The following APLP2 variants were observed in gnomAD, a reference collection of about 807,000 sequenced individuals.
The protein encoded by APLP2 is amyloid beta precursor like protein 2.
A neutral mutation model predicts 89.9 loss-of-function variants in APLP2; 53 were observed. The observed-to-expected ratio is 0.59, with a 90% CI of 0.47 to 0.74. The LOEUF is 0.74. Among genes scored for constraint, APLP2 ranks in the 30% least tolerant of loss-of-function variants. APLP2 has a pLI of 0.00. For synonymous variants in APLP2, 372 were observed against 348.6 expected, an observed-to-expected ratio of 1.07 and a Z score of -0.75; for missense variants, 973 against 975.9, an observed-to-expected ratio of 1.00 and a Z score of 0.04.
chr11:130,072,952 T>G (rs1291452248), intron 1 of APLP2, among the ~76,000 whole-genome samples: 3 of 152,336 alleles, frequency 2.0e-5, no homozygotes, highest in Middle Eastern at 3.4e-3. Context: ...GTGACTAGTG[T>G]GAATGAGGAG....
In APLP2 at chr11:130,126,691, T is replaced by C. The variant is rs1368946246; in HGVS notation, c.1091-9T>C. 5 of 1,613,334 alleles carry C rather than the reference T, an allele frequency of 3.1e-6. No individual in the cohort carries two copies. Among genetic ancestry groups the C allele is most frequent in the Admixed American group, 3.3e-5 (2 of 60,006 alleles). On this transcript the variant is annotated splice_polypyrimidine_tract_variant and intron_variant, in intron 7 of 16. Transcript: ENST00000338167. ...CCCAAAGAGAACTCCCTCTGTAATTTTGTTTCAGTTCCTCCAACTCCTCTG... is the reference window on the plus strand; with the variant it reads ...CCCAAAGAGAACTCCCTCTGTAATTCTGTTTCAGTTCCTCCAACTCCTCTG...
At chr11:130,103,691 C>T (rs1339148957) in intron 1 of APLP2, among the ~76,000 whole-genome samples, 1 of 152,158 alleles carries the variant, frequency 6.6e-6, no homozygotes, top group East Asian at 1.9e-4. Context: ...TGAAATTGAC[C>T]ATTCCACGCT....
At chr11:130,138,714 T>C (rs1407393975) in intron 13 of APLP2, 2 of 150,224 alleles carry the variant, frequency 1.3e-5, no homozygotes, top group Non-Finnish European at 2.9e-5. Context: ...GCCTCCCAAG[T>C]AGGTGGGACC....
chr11:130,095,772 G>A (rs758027142), intron 1 of APLP2, among the ~76,000 whole-genome samples: 6 of 152,244 alleles, frequency 3.9e-5, no homozygotes, highest in Non-Finnish European at 5.9e-5. Flanking sequence ...ATGGAGACTA[G>A]TACACTGTTG....
chr11:130,120,021 A>G (rs1421493604), intron 3 of APLP2, among the ~76,000 whole-genome samples: 1 of 152,198 alleles, frequency 6.6e-6, no homozygotes, highest in Non-Finnish European at 1.5e-5. Flanking sequence ...GTTTAATGTA[A>G]TGTCCCTGAG....
rs751021885 is a variant in APLP2, at chr11:130,120,831, G to T, written c.516+13G>T. On this transcript the variant is annotated intron_variant, in intron 4 of 16. Transcript: ENST00000338167. The stretch of plus-strand genomic sequence containing the variant: ...GGTAGTCAAAGAGGTAAGAGAACTC[G>T]GGGGGAAAGTCAGCTGCTGTTGTAT... The T allele has an allele frequency of 3.2e-6, 5 of 1,576,280 alleles. No homozygotes were observed. Among genetic ancestry groups the T allele is most frequent in the Non-Finnish European group, 4.3e-6 (5 of 1,151,502 alleles).
intron 1 of APLP2, among the ~76,000 whole-genome samples, chr11:130,084,128 C>T (rs1334411492): frequency 2.0e-5 from 3 of 152,116 alleles, no homozygotes; most frequent in African/African-American, 4.8e-5. Context: ...TGCCTGTAGT[C>T]CCAGCTACTC....
intron 3 of APLP2, among the ~76,000 whole-genome samples, chr11:130,114,678 A>T (rs12273789): frequency 0.16 from 24,361 of 152,072 alleles, 3,446 homozygotes; most frequent in African/African-American, 0.39. Flanking sequence ...TCTCTGAGAC[A>T]CCATGGTTTC....
chr11:130,090,245 GTC>G lies in APLP2; in HGVS notation c.106-19182_106-19181del, dbSNP rs761517028. 1.5e-3 allele frequency among the ~76,000 whole-genome samples: 185 copies of G among 126,838 alleles called. 2 individuals are homozygous for G. In the East Asian group the frequency reaches 0.034, roughly 23 times the overall value. The allele number at this position is 126,838 out of a possible 152,430, so 83.2% of individuals were successfully genotyped here. A position where few individuals can be genotyped will look rare whatever the true frequency, so the allele number is the denominator to read the frequency against. On this transcript the variant is annotated intron_variant, in intron 1 of 16. Transcript: ENST00000338167. ...GGTGGAGTATTCTAGTTCTAGCTCT[GTC>G]TTTTTTTTTTTTTTTTTTTTTAAAT... is the stretch of plus-strand genomic sequence containing the variant.
intron 3 of APLP2, among the ~76,000 whole-genome samples, chr11:130,118,063 C>T (rs1212906052): frequency 1.4e-5 from 2 of 138,232 alleles, no homozygotes; most frequent in African/African-American, 2.9e-5. Flanking sequence ...GGCAGCAGAG[C>T]GAGACTCCAT....
chr11:130,112,217 G>A (rs1948671127), intron 3 of APLP2, among the ~76,000 whole-genome samples: 1 of 152,186 alleles, frequency 6.6e-6, no homozygotes, highest in Admixed American at 6.5e-5. Flanking sequence ...ACATCTGTCA[G>A]GCATTCTGCA....
At chr11:130,079,356 A>C (rs1591759199) in intron 1 of APLP2, among the ~76,000 whole-genome samples, 1 of 152,072 alleles carries the variant, frequency 6.6e-6, no homozygotes, top group African/African-American at 2.4e-5. Flanking sequence ...GCCTTGGCCT[A>C]CCAAAGTGCT....
intron 1 of APLP2, among the ~76,000 whole-genome samples, chr11:130,096,378 A>C (rs1946211912): frequency 2.0e-5 from 3 of 152,080 alleles, no homozygotes; most frequent in Admixed American, 6.6e-5. Context: ...CTGGGTAGAG[A>C]CTGGATCCTG....
rs115758090 is a variant in APLP2 at position 130,085,519 on chromosome 11, G to T, written c.105+15437G>T. ...AACTAAGGAAAGCTCAGGACCAGAT[G>T]ACTTCACTGGAGAATTCTACTAAAC... is the stretch of plus-strand genomic sequence containing the variant. On this transcript the variant is annotated intron_variant, in intron 1 of 16. Transcript: ENST00000338167. Among the ~76,000 whole-genome samples, 462 of 152,210 alleles carry T rather than the reference G, an allele frequency of 3.0e-3. 3 individuals are homozygous for T. The highest frequency in any genetic ancestry group is 0.011 in the African/African-American group (442 of 41,538).
chr11:130,092,323 G>A (rs1208714347), intron 1 of APLP2, among the ~76,000 whole-genome samples: 11 of 121,984 alleles, frequency 9.0e-5, no homozygotes, highest in African/African-American at 2.6e-4. Context: ...ACGGGGTGGC[G>A]GCCGGGCAGA....
chr11:130,084,006 G>A (rs901544155), intron 1 of APLP2, among the ~76,000 whole-genome samples: 3 of 152,178 alleles, frequency 2.0e-5, no homozygotes, highest in African/African-American at 4.8e-5. Context: ...CAGCACTTTG[G>A]GAGGCCGAGG....
Position 130,143,349 on chromosome 11 carries a change from T to C in APLP2, c.2157T>C (p.Val719=), listed in dbSNP as rs749418632. The C allele has an allele frequency of 6.2e-7, 1 of 1,613,854 alleles. No homozygotes were observed. The highest frequency in any genetic ancestry group is 1.3e-5 in the African/African-American group (1 of 74,918). ...ACCCTCAGGTTTTGTTCTTCCAGGTTGATCCAATGCTCACCCCAGAAGAGC... is the reference window on the plus strand; with the variant it reads ...ACCCTCAGGTTTTGTTCTTCCAGGTCGATCCAATGCTCACCCCAGAAGAGC... ...YGTISHGIVE[V]DPMLTPEERH... Residue 719 remains valine (V), a splice_region_variant and synonymous_variant, in exon 17 of 17, where the codon GTT becomes GTC. Coordinates refer to ENST00000338167, the MANE Select transcript of APLP2 (RefSeq NM_001142276.2).
intron 1 of APLP2, among the ~76,000 whole-genome samples, chr11:130,091,185 C>T (rs1945028926): frequency 7.3e-6 from 1 of 137,196 alleles, no homozygotes; most frequent in Non-Finnish European, 1.6e-5. Flanking sequence ...GCGCCCCTCA[C>T]CTCCCGGACG....
chr11:130,128,528 A>T (rs531730654), intron 9 of APLP2, among the ~76,000 whole-genome samples: 1 of 152,350 alleles, frequency 6.6e-6, no homozygotes, highest in East Asian at 1.9e-4. Context: ...CAGCAGGCTT[A>T]AACTGTACCT....
Sources: gnomAD v4.1 joint callset for allele counts (sites outside exome capture counted in the v4.1 genomes callset) on GRCh38, gnomAD v4.1.1 for gene constraint, MANE v1.5 for transcripts, NCBI Gene and HGNC (gene_info 2026-07-23, HGNC 2026-07-21) for gene names.